PIAS2: variants seen among roughly 807,000 people sequenced by gnomAD.
PIAS2 encodes E3 SUMO-protein ligase PIAS2.
A neutral mutation model predicts 69.7 loss-of-function variants in PIAS2; 19 were observed. The ratio of observed to expected loss-of-function variants is 0.27; its 90% CI spans 0.19 to 0.40. The LOEUF is 0.40. Among genes scored for constraint, PIAS2 ranks in the 10% least tolerant of loss-of-function variants. The probability of loss-of-function intolerance (pLI) is 1.00; values close to 1 mark genes in which losing one functional copy is unlikely to be tolerated. For synonymous variants in PIAS2, 261 were observed against 263.2 expected (o/e 0.99, Z 0.08); for missense variants, 624 against 757.0 (o/e 0.82, Z 2.06).
intron 7 of PIAS2, 27 bp from the exon 8 acceptor site, chr18:46,844,154 T>C (rs372481796): frequency 1.1e-6 from 1 of 931,872 alleles, no homozygotes; most frequent in African/African-American, 1.9e-5. Flanking sequence ...AAAAAAAAAA[T>C]TTAAAAAAAT....
At position 46,855,548 on chromosome 18, in the gene PIAS2, G is replaced by C. The variant is rs961996355; in HGVS notation, c.635+17C>G. 7 of 1,610,460 alleles carry C rather than the reference G, an allele frequency of 4.3e-6. No homozygotes were observed. The highest frequency in any genetic ancestry group is 5.9e-6 in the Non-Finnish European group (7 of 1,176,924). ...AAGCAAGTATAAAACTAAGGTAACA[G>C]AAAATTTCAAACTCACCTCAACTGA... On this transcript the variant is annotated intron_variant, in intron 4 of 13. Transcript: ENST00000585916.
At chr18:46,839,044 T>C (rs2044890660) in intron 8 of PIAS2, among the ~76,000 whole-genome samples, 2 of 152,364 alleles carry the variant, frequency 1.3e-5, no homozygotes, top group Middle Eastern at 3.4e-3. Flanking sequence ...TAGATTTTCA[T>C]ATTATCCTTT....
chr18:46,856,671 A>G (rs1471483437), intron 3 of PIAS2, among the ~76,000 whole-genome samples: 1 of 152,206 alleles, frequency 6.6e-6, no homozygotes, highest in Non-Finnish European at 1.5e-5. Flanking sequence ...TAGAATCTGC[A>G]TGTTAACAAG....
chr18:46,917,981 TA>T (rs2058185521), upstream of PIAS2: 1 of 152,154 alleles, frequency 6.6e-6, no homozygotes, highest in East Asian at 1.9e-4. Flanking sequence ...TTTGAATTGC[TA>T]ATGTCCTGCA....
chr18:46,904,677 C>T (rs1382541211), intron 1 of PIAS2, among the ~76,000 whole-genome samples: 4 of 150,638 alleles, frequency 2.7e-5, no homozygotes, highest in Admixed American at 6.7e-5. Flanking sequence ...CTTGAACCCA[C>T]GAGGTGGAGG....
intron 2 of PIAS2, among the ~76,000 whole-genome samples, chr18:46,866,630 A>C (rs2049511711): frequency 6.6e-6 from 1 of 152,192 alleles, no homozygotes; most frequent in Non-Finnish European, 1.5e-5. Context: ...TCTTCTTGTA[A>C]TTTCCTTCAA....
At chr18:46,917,568 CCCACCCGCGCGACCGCCTT>C (rs1398549590), upstream of PIAS2, 50 of 1,092,026 alleles carry the variant, frequency 4.6e-5, no homozygotes, top group Non-Finnish European at 5.0e-5. Context: ...GTGCCCCCTG[CCCACCCGCGCGACCGCCTT>C]CCGCCCGCGC....
At chr18:46,869,537 T>G (rs1364524525) in intron 2 of PIAS2, among the ~76,000 whole-genome samples, 1 of 152,142 alleles carries the variant, frequency 6.6e-6, no homozygotes, top group Non-Finnish European at 1.5e-5. Flanking sequence ...ATCTCTAACA[T>G]GTGGCATTGA....
rs901069216 is a variant in PIAS2 at position 46,805,261 on chromosome 18, T to A, written c.*7172A>T. The A allele has an allele frequency of 1.3e-5, 2 of 152,180 alleles. No homozygotes were observed. Among genetic ancestry groups the A allele is most frequent in the African/African-American group, 4.8e-5 (2 of 41,434 alleles). 9.4% of individuals were successfully genotyped at this position (152,180 alleles called of 1,614,324 possible). On this transcript the variant is annotated 3_prime_UTR_variant, in exon 14 of 14. Transcript: ENST00000585916. ...ATAATGAAAGAACAGTCTGGACAAG[T>A]AGCAAAGAGGAAAACAGAAAGCGTG...
intron 1 of PIAS2, among the ~76,000 whole-genome samples, chr18:46,916,634 G>GA (rs2057947477): frequency 6.6e-6 from 1 of 152,032 alleles, no homozygotes; most frequent in South Asian, 2.1e-4. Flanking sequence ...AGACTGAGAA[G>GA]AAAAAAATAT....
At chr18:46,884,565 C>T (rs2052827430) in intron 2 of PIAS2, among the ~76,000 whole-genome samples, 1 of 151,972 alleles carries the variant, frequency 6.6e-6, no homozygotes, top group African/African-American at 2.4e-5. Context: ...CCCACCTCGG[C>T]CTCCCAAAAG....
intron 2 of PIAS2, among the ~76,000 whole-genome samples, chr18:46,879,360 C>G (rs2145833503): frequency 7.0e-6 from 1 of 143,454 alleles, no homozygotes; most frequent in South Asian, 2.4e-4. Flanking sequence ...GCAATGCCAC[C>G]TCACACCCAT....
chr18:46,889,078 A>C (rs1568755655), intron 2 of PIAS2, among the ~76,000 whole-genome samples: 1 of 152,178 alleles, frequency 6.6e-6, no homozygotes, highest in Non-Finnish European at 1.5e-5. Context: ...CATATACGAA[A>C]ATTAACTCAA....
chr18:46,823,256 C>A lies in PIAS2; in HGVS notation c.1509-2184G>T, dbSNP rs567907840. On this transcript the variant is annotated intron_variant, in intron 11 of 13. Coordinates refer to ENST00000585916, the MANE Select transcript of PIAS2 (RefSeq NM_004671.5). ...TCAAAAAAAAGTACATTTAACCTAT[C>A]GTGTTTTTTTTTTCTCTGCCACTGA... Among the ~76,000 whole-genome samples, 26 of 151,846 alleles carry A rather than the reference C, an allele frequency of 1.7e-4. 1 individual carries two copies. The East Asian group carries it at 4.3e-3, about 25-fold the overall frequency.
At chr18:46,833,236 G>T (rs888622892) in intron 9 of PIAS2, among the ~76,000 whole-genome samples, 5 of 152,162 alleles carry the variant, frequency 3.3e-5, no homozygotes, top group Non-Finnish European at 5.9e-5. Context: ...ATTGGTATAT[G>T]CAACATAAAT....
At chr18:46,883,090 T>A (rs1225503874) in intron 2 of PIAS2, among the ~76,000 whole-genome samples, 1 of 143,658 alleles carries the variant, frequency 7.0e-6, no homozygotes, top group South Asian at 2.2e-4. Context: ...AGAGGGAGAC[T>A]CCGTCTCAAA....
intron 5 of PIAS2, among the ~76,000 whole-genome samples, chr18:46,847,520 C>T (rs964307256): frequency 2.0e-5 from 3 of 146,892 alleles, no homozygotes; most frequent in African/African-American, 5.0e-5. Context: ...CTGGCTCTGT[C>T]GCCCAGGCTG....
rs1333060393 is a variant in PIAS2 at position 46,803,860 on chromosome 18, C to A, written c.*8573G>T. ...CACTTCCAGGTTTAATACACCTACT[C>A]CCATATTATCCCCACTGTGCACTGC... is the stretch of plus-strand genomic sequence containing the variant. On this transcript the variant is annotated 3_prime_UTR_variant, in exon 14 of 14. Coordinates refer to ENST00000585916, the MANE Select transcript of PIAS2 (RefSeq NM_004671.5). 1 of 152,164 alleles carries A rather than the reference C, an allele frequency of 6.6e-6. No homozygotes were observed. The highest frequency in any genetic ancestry group is 1.5e-5 in the Non-Finnish European group (1 of 68,052). 9.4% of individuals were successfully genotyped at this position (152,164 alleles called of 1,614,324 possible).
At chr18:46,858,162 A>T (rs1481216563) in intron 3 of PIAS2, among the ~76,000 whole-genome samples, 1 of 152,082 alleles carries the variant, frequency 6.6e-6, no homozygotes, top group Non-Finnish European at 1.5e-5. Context: ...CCTAGGAAAC[A>T]CAAATGGGAA....
Sources: gnomAD v4.1 joint callset for allele counts (sites outside exome capture counted in the v4.1 genomes callset) on GRCh38, gnomAD v4.1.1 for gene constraint, MANE v1.5 for transcripts, NCBI Gene and HGNC (gene_info 2026-07-23, HGNC 2026-07-21) for gene names.